The following PUDP variants were observed in gnomAD, a reference collection of about 807,000 sequenced individuals.
PUDP encodes pseudouridine-5'-phosphatase.
In PUDP, 8 loss-of-function variants were observed where a neutral mutation model predicts 9.4. The ratio of observed to expected loss-of-function variants is 0.85; its 90% confidence interval spans 0.50 to 1.53. The LOEUF is 1.53. Ranked by LOEUF, PUDP falls within the 40% of genes most tolerant of loss-of-function variation. The probability of loss-of-function intolerance (pLI) is 0.00; values close to 1 mark genes in which losing one functional copy is unlikely to be tolerated. For missense variants in PUDP, 188 were observed against 189.7 expected (o/e 0.99, Z 0.05); for synonymous variants, 99 against 80.7 (o/e 1.23, Z -1.22).
At chrX:7,063,805 C>T (rs902032479) in intron 3 of PUDP, among the ~76,000 whole-genome samples, 3 of 110,871 alleles carry the variant, frequency 2.7e-5, no homozygotes, top group Admixed American at 9.6e-5. Flanking sequence ...CCACCATGCC[C>T]GGCTAATTTC....
intron 3 of PUDP, among the ~76,000 whole-genome samples, chrX:6,746,744 A>T (rs953657724): frequency 4.5e-5 from 5 of 111,226 alleles, no homozygotes; most frequent in African/African-American, 1.6e-4. Flanking sequence ...AAAGGTCATG[A>T]TCTCATTCTT....
chrX:7,006,663 A>G (rs1929406864), intron 1 of PUDP, among the ~76,000 whole-genome samples: 1 of 111,048 alleles, frequency 9.0e-6, no homozygotes, highest in African/African-American at 3.3e-5. Flanking sequence ...TTTGGTTTCA[A>G]TCATGGCTGA....
At chrX:6,764,405 TTTC>T (rs1398567881) in intron 3 of PUDP, among the ~76,000 whole-genome samples, 2 of 111,958 alleles carry the variant, frequency 1.8e-5, no homozygotes, top group African/African-American at 6.5e-5. Context: ...GCCCTGTGGG[TTTC>T]TTCTGTCAGT....
intron 3 of PUDP, among the ~76,000 whole-genome samples, chrX:6,767,196 T>C (rs1425990402): frequency 8.8e-6 from 1 of 113,316 alleles, no homozygotes; most frequent in Non-Finnish European, 1.9e-5. Context: ...TTATTTAGCG[T>C]AGCTAAGCTA....
chrX:6,871,858 C>A (rs1927179712), intron 3 of PUDP, among the ~76,000 whole-genome samples: 2 of 111,455 alleles, frequency 1.8e-5, no homozygotes, highest in Non-Finnish European at 3.8e-5. Context: ...CTTAGGGCTG[C>A]CACAACAAAA....
chrX:6,802,001 C>T (rs1419461309), intron 3 of PUDP, among the ~76,000 whole-genome samples: 1 of 111,627 alleles, frequency 9.0e-6, no homozygotes, highest in African/African-American at 3.3e-5. Context: ...TTCCCTTTTC[C>T]TGAGTTCCTA....
At chrX:7,012,800 A>G (rs1351543143) in intron 1 of PUDP, among the ~76,000 whole-genome samples, 1 of 111,316 alleles carries the variant, frequency 9.0e-6, no homozygotes, top group Non-Finnish European at 1.9e-5. Flanking sequence ...ATTCTACAGG[A>G]GTCCTGCTCC....
At chrX:7,037,261 A>T (rs4126101) in intron 1 of PUDP, among the ~76,000 whole-genome samples, 5 of 110,587 alleles carry the variant, frequency 4.5e-5, no homozygotes, top group Non-Finnish European at 9.4e-5. Context: ...GACATCTTCC[A>T]GGCTCACAAG....
intron 3 of PUDP, among the ~76,000 whole-genome samples, chrX:6,757,861 C>T (rs371136663): frequency 8.9e-6 from 1 of 112,367 alleles, no homozygotes; most frequent in African/African-American, 3.2e-5. Flanking sequence ...GTGCTGCCAC[C>T]TTTTCTGTAA....
chrX:6,850,388 T>C (rs761940633), intron 3 of PUDP, among the ~76,000 whole-genome samples: 2 of 112,374 alleles, frequency 1.8e-5, no homozygotes, highest in African/African-American at 3.2e-5. Flanking sequence ...GTGGTGGTTG[T>C]TCCAGACAAC....
At chrX:6,920,449 A>T (rs1928004945) in intron 3 of PUDP, among the ~76,000 whole-genome samples, 1 of 111,666 alleles carries the variant, frequency 9.0e-6, no homozygotes, top group Non-Finnish European at 1.9e-5. Flanking sequence ...AAGGAAAATT[A>T]TCTTGGGCCC....
At chrX:7,061,673 GA>G (rs943222723) in intron 3 of PUDP, among the ~76,000 whole-genome samples, 33 of 108,763 alleles carry the variant, frequency 3.0e-4, no homozygotes, top group African/African-American at 1.1e-3. Context: ...CGTACTTGGG[GA>G]GCTGTTCAAT....
intron 3 of PUDP, among the ~76,000 whole-genome samples, chrX:6,940,218 C>T (rs1928379406): frequency 8.8e-6 from 1 of 113,687 alleles, no homozygotes; most frequent in Admixed American, 9.2e-5. Context: ...TGGCCCTCTG[C>T]CTGTCTTTGC....
intron 1 of PUDP, among the ~76,000 whole-genome samples, chrX:7,107,437 TG>T (rs1931916368): frequency 8.9e-6 from 1 of 112,647 alleles, no homozygotes; most frequent in Admixed American, 9.3e-5. Flanking sequence ...CATACTCCTA[TG>T]TATGTTCACA....
chrX:7,115,735 C>CT (rs762530894), intron 1 of PUDP, among the ~76,000 whole-genome samples: 1 of 112,615 alleles, frequency 8.9e-6, no homozygotes, highest in East Asian at 2.8e-4. Context: ...ACATTGCTCT[C>CT]TATGCTCCTG....
intron 3 of PUDP, among the ~76,000 whole-genome samples, chrX:6,932,634 C>T (rs1203455305): frequency 2.7e-5 from 3 of 110,129 alleles, no homozygotes; most frequent in Non-Finnish European, 5.7e-5. Flanking sequence ...TCAGTGGGTG[C>T]GCGCACCGTG....
chrX:6,718,135 G>A (rs1029843808), intron 1 of PUDP, among the ~76,000 whole-genome samples: 17 of 110,790 alleles, frequency 1.5e-4, no homozygotes, highest in African/African-American at 5.6e-4. Flanking sequence ...ATTTTCTCCC[G>A]CCTTGTAGGC....
At chrX:6,780,451 A>C (rs1925541782) in intron 3 of PUDP, among the ~76,000 whole-genome samples, 1 of 111,282 alleles carries the variant, frequency 9.0e-6, no homozygotes, top group African/African-American at 3.3e-5. Flanking sequence ...TAGTCAGTCA[A>C]GACACTGTAT....
intron 1 of PUDP, among the ~76,000 whole-genome samples, chrX:7,139,371 G>C (rs770567484): frequency 8.9e-6 from 1 of 112,121 alleles, no homozygotes; most frequent in South Asian, 3.7e-4. Flanking sequence ...GTCCTCAGTT[G>C]CATGAGTCAC....
Sources: gnomAD v4.1 joint callset for allele counts (sites outside exome capture counted in the v4.1 genomes callset) on GRCh38, gnomAD v4.1.1 for gene constraint, MANE v1.5 for transcripts, NCBI Gene and HGNC (gene_info 2026-07-23, HGNC 2026-07-21) for gene names.